ZNF680: variants seen among roughly 807,000 people sequenced by gnomAD.
ZNF680 encodes the protein zinc finger protein 680, also known as hypothetical protein FLJ90430.
A neutral mutation model predicts 12.1 loss-of-function variants in ZNF680; 6 were observed. That is an observed-to-expected ratio of 0.49 (90% CI 0.27 to 0.98). The LOEUF is 0.98. ZNF680 is among the 50% of genes least tolerant of loss of function. The probability of loss-of-function intolerance (pLI) is 0.12; values close to 1 mark genes in which losing one functional copy is unlikely to be tolerated. For synonymous variants in ZNF680, 170 were observed against 199.3 expected (o/e 0.85, Z 1.24); for missense variants, 561 against 616.3 (o/e 0.91, Z 0.95).
chr7:64,561,677 G>A (rs1787742533), intron 1 of ZNF680, among the ~76,000 whole-genome samples: 1 of 152,196 alleles, frequency 6.6e-6, no homozygotes, highest in Non-Finnish European at 1.5e-5. Flanking sequence ...GCTGACGCCT[G>A]TAATCCCAGC....
rs766878335 is a variant in ZNF680, at chr7:64,522,430, T to C, written c.324A>G (p.Ile108Met). The C allele has an allele frequency of 6.2e-7, 1 of 1,602,972 alleles. No individual in the cohort carries two copies. The highest frequency in any genetic ancestry group is 1.3e-5 in the African/African-American group (1 of 74,364). Residue 108 changes from isoleucine to methionine, a missense_variant, in exon 4 of 4, where the codon ATA becomes ATG. By Grantham distance (10) the Ile-to-Met change is conservative (BLOSUM62 1). Transcript: ENST00000309683. The part of the protein sequence containing the change: ...HSIKDSFQKV[I>M]LRGYGKCGHE... ...GTCCACATTTTCCATATCCTCTCAG[T>C]ATCACTTTTTGAAAAGAATCTTTTA...
chr7:64,523,823 G>C (rs1025912700), intron 3 of ZNF680, among the ~76,000 whole-genome samples: 17 of 151,906 alleles, frequency 1.1e-4, no homozygotes, highest in African/African-American at 4.1e-4. Flanking sequence ...TGAGGCGGGA[G>C]AATGGTGTGA....
chr7:64,562,563 T>C (rs527468921), intron 1 of ZNF680, among the ~76,000 whole-genome samples: 5 of 152,330 alleles, frequency 3.3e-5, no homozygotes, highest in South Asian at 2.1e-4. Context: ...GTGACTTCCA[T>C]GAATTTTTAA....
chr7:64,525,610 T>C (rs1397156913), intron 3 of ZNF680: 3 of 307,392 alleles, frequency 9.8e-6, no homozygotes, highest in Non-Finnish European at 1.4e-5. Context: ...TTTAGGAATA[T>C]GTTGCATAAC....
At chr7:64,535,682 G>A (rs1786127734) in intron 3 of ZNF680, among the ~76,000 whole-genome samples, 1 of 152,030 alleles carries the variant, frequency 6.6e-6, no homozygotes, top group South Asian at 2.1e-4. Flanking sequence ...GGTGGCTCAT[G>A]CCTGTAATCC....
intron 3 of ZNF680, among the ~76,000 whole-genome samples, chr7:64,536,100 C>T (rs1786150002): frequency 6.6e-6 from 1 of 151,746 alleles, no homozygotes; most frequent in Admixed American, 6.6e-5. Context: ...CATCAGGTCT[C>T]CAAAATATAT....
At chr7:64,501,179 CCT>C in the ZNF680 span, 1 of 868,362 alleles carries the variant, frequency 1.2e-6, no homozygotes, top group Non-Finnish European at 2.0e-6. Context: ...CTATTCAGCT[CCT>C]CTCTTGACTT....
chr7:64,512,600 C>T, the ZNF680 span, among the ~76,000 whole-genome samples: 2 of 151,780 alleles, frequency 1.3e-5, no homozygotes, highest in African/African-American at 2.4e-5. Context: ...AAGAACACCA[C>T]AAATCTCATT....
the ZNF680 span, chr7:64,501,649 C>G: frequency 1.1e-6 from 1 of 936,344 alleles, no homozygotes; most frequent in East Asian, 2.6e-5. Context: ...GGATGGCCAG[C>G]TGGAGTTGAC....
rs543029048 is a variant in ZNF680 at position 64,544,059 on chromosome 7, T to A, written c.157+247A>T. On this transcript the variant is annotated intron_variant, in intron 2 of 3. Coordinates refer to ENST00000309683, the MANE Select transcript of ZNF680 (RefSeq NM_178558.5). Reference sequence around the variant, plus strand: ...GTGTGGGCAACAACATTTTATGCCATCAAATTTCTGTAATTACCACTAATC... The same window carrying A: ...GTGTGGGCAACAACATTTTATGCCAACAAATTTCTGTAATTACCACTAATC... The A allele has an allele frequency of 6.5e-6, 4 of 619,506 alleles. No homozygotes were observed. In the East Asian group the frequency reaches 1.5e-4, roughly 23 times the overall value. 38.4% of individuals were successfully genotyped at this position (619,506 alleles called of 1,614,324 possible).
At chr7:64,514,329 C>T in the ZNF680 span, among the ~76,000 whole-genome samples, 2 of 152,162 alleles carry the variant, frequency 1.3e-5, no homozygotes, top group Non-Finnish European at 2.9e-5. Flanking sequence ...TCTAAATGTG[C>T]ACCATCAATC....
chr7:64,550,703 C>A lies in ZNF680; in HGVS notation c.31-6271G>T, dbSNP rs575487397. Among the ~76,000 whole-genome samples, 29 of 152,210 alleles carry A rather than the reference C, an allele frequency of 1.9e-4. 1 individual carries two copies. In the Middle Eastern group the frequency reaches 0.017, roughly 89 times the overall value. ...TGCTGCCCTGTGAAATTTGGTCTAA[C>A]CTCTTTAAAAGTGACTATAGAGGAC... On this transcript the variant is annotated intron_variant, in intron 1 of 3. Coordinates refer to ENST00000309683, the MANE Select transcript of ZNF680 (RefSeq NM_178558.5).
At chr7:64,543,661 C>CCTCT in intron 3 of ZNF680, 46 bp downstream of exon 3, 1 of 1,487,440 alleles carries the variant, frequency 6.7e-7, no homozygotes, top group East Asian at 2.3e-5. Flanking sequence ...GACATCTGGA[C>CCTCT]CTCTCATCTG....
intron 3 of ZNF680, among the ~76,000 whole-genome samples, chr7:64,540,982 TTA>T (rs1471729160): frequency 5.9e-5 from 9 of 152,288 alleles, no homozygotes; most frequent in South Asian, 2.1e-4. Context: ...AAATTAGTAT[TTA>T]TGTTTTAAAT....
chr7:64,520,905 T>C lies in ZNF680; in HGVS notation c.*256A>G. 5.4e-6 allele frequency: 2 copies of C among 371,170 alleles called. No homozygotes were observed. The highest frequency in any genetic ancestry group is 8.4e-5 in the South Asian group (2 of 23,744). 23.0% of individuals were successfully genotyped at this position (371,170 alleles called of 1,614,324 possible). The stretch of plus-strand genomic sequence containing the variant: ...AATAAGTATAAACTCTGGTGTTGAG[T>C]AAGATGTGAAAAGATATCAATGACT... On this transcript the variant is annotated 3_prime_UTR_variant, in exon 4 of 4. Transcript: ENST00000309683.
chr7:64,526,031 TA>T, intron 3 of ZNF680: 2 of 982,770 alleles, frequency 2.0e-6, no homozygotes, highest in Non-Finnish European at 2.4e-6. Context: ...AATTATAATA[TA>T]AACTAAAAAA....
At chr7:64,560,055 A>G (rs1787645188) in intron 1 of ZNF680, among the ~76,000 whole-genome samples, 1 of 151,844 alleles carries the variant, frequency 6.6e-6, no homozygotes, top group Non-Finnish European at 1.5e-5. Context: ...TCAAGAATCT[A>G]TGTAACTTCA....
chr7:64,499,655 A>G, the ZNF680 span, among the ~76,000 whole-genome samples: 1 of 152,190 alleles, frequency 6.6e-6, no homozygotes, highest in Non-Finnish European at 1.5e-5. Context: ...GAGGCAGGGG[A>G]ATTGCTTGAA....
chr7:64,506,229 C>T, the ZNF680 span, among the ~76,000 whole-genome samples: 18 of 132,310 alleles, frequency 1.4e-4, no homozygotes, highest in East Asian at 2.2e-4. Flanking sequence ...CGGAGTCTTG[C>T]TGTGTTGCCC....
Sources: gnomAD v4.1 joint callset for allele counts (sites outside exome capture counted in the v4.1 genomes callset) on GRCh38, gnomAD v4.1.1 for gene constraint, MANE v1.5 for transcripts, NCBI Gene and HGNC (gene_info 2026-07-23, HGNC 2026-07-21) for gene names.